The following LINGO1 variants were observed in gnomAD, a reference collection of about 807,000 sequenced individuals.
LINGO1 encodes leucine rich repeat and Ig domain containing 1, also known as leucine-rich repeat and immunoglobulin-like domain-containing nogo receptor-interacting protein 1.
In LINGO1, 11 loss-of-function variants were observed where a neutral mutation model predicts 37.3. That is an observed-to-expected ratio of 0.29 (90% CI 0.19 to 0.49). LINGO1 has a LOEUF of 0.49. Ranked by LOEUF, LINGO1 falls within the 20% of genes least tolerant of loss-of-function variation. LINGO1 has a pLI of 0.99. For missense variants in LINGO1, 585 were observed against 878.2 expected (o/e 0.67, Z 4.22); for synonymous variants, 387 against 403.0 (o/e 0.96, Z 0.48).
chr15:77,625,822 C>T (rs1431768016), intron 1 of LINGO1, among the ~76,000 whole-genome samples: 1 of 152,194 alleles, frequency 6.6e-6, no homozygotes, highest in Admixed American at 6.5e-5. Flanking sequence ...GTGGCTTTAC[C>T]TCTGGGGACC....
intron 1 of LINGO1, among the ~76,000 whole-genome samples, chr15:77,760,145 C>A (rs1044487356): frequency 6.6e-6 from 1 of 152,224 alleles, no homozygotes; most frequent in African/African-American, 2.4e-5. Flanking sequence ...GGTTGTCATT[C>A]CACACACCTG....
rs767527970 is a variant in LINGO1, at chr15:77,614,300, G to A, written c.1607C>T (p.Pro536Leu). The change falls in exon 2 of 2, where the codon CCG becomes CTG. Residue 536 changes from proline (P) to leucine (L), a missense_variant. This residue lies in a region of LINGO1 where 484 missense variants were observed against 735.0 expected (regional missense o/e 0.66). Transcript: ENST00000355300. ...GGTGCTGTTGGCCTCTCCCTCGCCC[G>A]GCTGGTTGGAGATGAAAGCGAAGGT... is the stretch of plus-strand genomic sequence containing the variant. ...NKTFAFISNQ[P>L]GEGEANSTRA... The A allele has an allele frequency of 9.3e-6, 15 of 1,613,904 alleles. No individual in the cohort carries two copies. Among genetic ancestry groups the A allele is most frequent in the East Asian group, 4.5e-5 (2 of 44,892 alleles).
upstream of LINGO1, among the ~76,000 whole-genome samples, chr15:77,635,748 A>T (rs1427490167): frequency 2.9e-4 from 42 of 145,752 alleles, no homozygotes; most frequent in African/African-American, 1.2e-3. Flanking sequence ...ATGACATTAG[A>T]GGCAAGGCCC....
At chr15:77,627,533 A>G (rs902589790) in intron 1 of LINGO1, among the ~76,000 whole-genome samples, 3 of 152,142 alleles carry the variant, frequency 2.0e-5, no homozygotes, top group Non-Finnish European at 4.4e-5. Flanking sequence ...GCAAGCACAC[A>G]TTTGTTCCAT....
At chr15:77,712,217 C>T (rs535258693) in intron 2 of LINGO1, among the ~76,000 whole-genome samples, 1 of 152,268 alleles carries the variant, frequency 6.6e-6, no homozygotes, top group African/African-American at 2.4e-5. Context: ...TCCCAGGCCA[C>T]ACCCTGGCCC....
intron 2 of LINGO1, among the ~76,000 whole-genome samples, chr15:77,719,302 C>G (rs2141308282): frequency 1.3e-5 from 2 of 150,262 alleles, no homozygotes; most frequent in Middle Eastern, 3.4e-3. Context: ...CCTGCCAGCA[C>G]CAGCACCAAG....
chr15:77,728,399 G>A (rs1017748513), intron 2 of LINGO1, among the ~76,000 whole-genome samples: 15 of 152,258 alleles, frequency 9.9e-5, no homozygotes, highest in African/African-American at 2.7e-4. Flanking sequence ...AGCCTCGTTC[G>A]TCTCGGCTGC....
chr15:77,723,023 A>C (rs905937333), intron 2 of LINGO1, among the ~76,000 whole-genome samples: 2 of 152,178 alleles, frequency 1.3e-5, no homozygotes, highest in Non-Finnish European at 2.9e-5. Context: ...GGACCAGCAC[A>C]CTTGCAGGCT....
intron 2 of LINGO1, among the ~76,000 whole-genome samples, chr15:77,685,699 A>AAAC (rs2075497205): frequency 1.3e-5 from 2 of 151,326 alleles, no homozygotes; most frequent in South Asian, 2.1e-4. Context: ...CTTAAAAAAA[A>AAAC]AAAAAACGCC....
intron 1 of LINGO1, among the ~76,000 whole-genome samples, chr15:77,750,081 C>T (rs911275182): frequency 6.6e-6 from 1 of 152,124 alleles, no homozygotes; most frequent in African/African-American, 2.4e-5. Flanking sequence ...CTCACCCACC[C>T]CTGGGGCTGA....
chr15:77,768,236 C>T (rs553292713), intron 1 of LINGO1, among the ~76,000 whole-genome samples: 1 of 106,522 alleles, frequency 9.4e-6, no homozygotes, highest in Non-Finnish European at 2.2e-5. Context: ...CACCTGGGCC[C>T]CTCCCCTCCC....
chr15:77,740,054 A>T (rs1266050132), intron 1 of LINGO1, among the ~76,000 whole-genome samples: 1 of 152,254 alleles, frequency 6.6e-6, no homozygotes, highest in East Asian at 1.9e-4. Flanking sequence ...GTGGCTGTAA[A>T]GCCTGGTGGC....
intron 3 of LINGO1, among the ~76,000 whole-genome samples, chr15:77,650,384 CAG>C (rs2074733825): frequency 8.5e-5 from 13 of 152,158 alleles, no homozygotes; most frequent in Admixed American, 8.5e-4. Context: ...AGGTGGGACA[CAG>C]AATAAAATAG....
At chr15:77,763,387 GT>G (rs2076496920) in intron 1 of LINGO1, among the ~76,000 whole-genome samples, 1 of 152,054 alleles carries the variant, frequency 6.6e-6, no homozygotes, top group African/African-American at 2.4e-5. Flanking sequence ...TGGGGACCCA[GT>G]ACCTCCCCCA....
chr15:77,746,370 G>A (rs1038891343), intron 1 of LINGO1, among the ~76,000 whole-genome samples: 1 of 151,986 alleles, frequency 6.6e-6, no homozygotes, highest in Non-Finnish European at 1.5e-5. Flanking sequence ...CTCCCTCAAC[G>A]CCAATACTGA....
At chr15:77,720,687 T>C (rs2076040233) in intron 2 of LINGO1, 1 of 152,186 alleles carries the variant, frequency 6.6e-6, no homozygotes, top group African/African-American at 2.4e-5. Flanking sequence ...GCAAGCTATT[T>C]TTTTTTTTCT....
chr15:77,686,531 C>T (rs2075514097), intron 2 of LINGO1, among the ~76,000 whole-genome samples: 1 of 152,220 alleles, frequency 6.6e-6, no homozygotes, highest in Non-Finnish European at 1.5e-5. Context: ...GGAAGGGATA[C>T]ATGTGCCTCC....
intron 1 of LINGO1, among the ~76,000 whole-genome samples, chr15:77,798,066 T>C (rs966519967): frequency 2.2e-4 from 33 of 152,170 alleles, no homozygotes; most frequent in African/African-American, 7.5e-4. Flanking sequence ...AAGAGAGACC[T>C]GCTCAGCCCC....
At position 77,692,456 on chromosome 15, in the gene LINGO1, T is replaced by C. The variant is rs1010028898; in HGVS notation, c.-280-1555A>G. Among the ~76,000 whole-genome samples, 28 of 152,216 alleles carry C rather than the reference T, an allele frequency of 1.8e-4. 1 individual carries two copies. Among genetic ancestry groups the C allele is most frequent in the Admixed American group, 1.1e-3 (17 of 15,284 alleles). ...CTTTTTAATTTCATGGCAAATCTTT[T>C]GTATGGCAATTGAACGGAAAAAGTT... On this transcript the variant is annotated intron_variant, in intron 1 of 3. Coordinates refer to the LINGO1 transcript ENST00000559893.
Sources: gnomAD v4.1 joint callset for allele counts (sites outside exome capture counted in the v4.1 genomes callset) on GRCh38, gnomAD v4.1.1 for gene constraint, gnomAD v4.1.1 regional missense constraint, MANE v1.5 for transcripts, NCBI Gene and HGNC (gene_info 2026-07-23, HGNC 2026-07-21) for gene names.